Variants in OR9Q1 observed in about 807,000 individuals in gnomAD.
OR9Q1 encodes the protein olfactory receptor 9Q1.
For synonymous variants in OR9Q1, 153 were observed against 148.6 expected (o/e 1.03, Z -0.22); for missense variants, 374 against 378.8 (o/e 0.99, Z 0.11).
chr11:58,160,329 G>T (rs1430275400), intron 2 of OR9Q1, among the ~76,000 whole-genome samples: 1 of 152,208 alleles, frequency 6.6e-6, no homozygotes, highest in African/African-American at 2.4e-5. Flanking sequence ...ACTAAGATTT[G>T]AGATAATTTA....
chr11:58,178,988 T>G (rs927964253), intron 2 of OR9Q1, among the ~76,000 whole-genome samples: 4 of 110,238 alleles, frequency 3.6e-5, no homozygotes, highest in South Asian at 3.1e-4. Flanking sequence ...TTATATATTA[T>G]AGAGAGAGAG....
intron 1 of OR9Q1, among the ~76,000 whole-genome samples, chr11:58,035,019 G>T (rs991826516): frequency 6.6e-5 from 10 of 151,652 alleles, no homozygotes; most frequent in African/African-American, 2.4e-4. Flanking sequence ...GTAGAGATGG[G>T]TTTCGCCAGG....
chr11:58,067,177 G>A (rs1017162740), intron 2 of OR9Q1, among the ~76,000 whole-genome samples: 3 of 151,872 alleles, frequency 2.0e-5, no homozygotes, highest in Non-Finnish European at 2.9e-5. Flanking sequence ...GACTACAGGC[G>A]CCTGCCACCA....
At chr11:58,128,468 A>C (rs1854110326) in intron 2 of OR9Q1, among the ~76,000 whole-genome samples, 1 of 152,168 alleles carries the variant, frequency 6.6e-6, no homozygotes, top group Non-Finnish European at 1.5e-5. Context: ...TGGAGAAAGA[A>C]ATATTTATGG....
intron 2 of OR9Q1, among the ~76,000 whole-genome samples, chr11:58,100,373 C>A (rs1342985552): frequency 6.6e-6 from 1 of 152,130 alleles, no homozygotes; most frequent in Non-Finnish European, 1.5e-5. Flanking sequence ...AATGTAAAAA[C>A]TTGCAATGGT....
intron 2 of OR9Q1, among the ~76,000 whole-genome samples, chr11:58,148,120 T>C (rs1157779259): frequency 6.6e-6 from 1 of 152,172 alleles, no homozygotes; most frequent in African/African-American, 2.4e-5. Flanking sequence ...CAAAGTACTA[T>C]GTTCTTGATC....
At chr11:58,143,526 TG>T (rs1165666921) in intron 2 of OR9Q1, among the ~76,000 whole-genome samples, 24 of 152,224 alleles carry the variant, frequency 1.6e-4, no homozygotes, top group African/African-American at 5.8e-4. Flanking sequence ...TTGTGAAATC[TG>T]GGTCACTTTA....
chr11:58,109,147 T>C (rs529849650), intron 2 of OR9Q1: 168 of 503,894 alleles, frequency 3.3e-4, no homozygotes, highest in Non-Finnish European at 5.4e-4. Context: ...GTTGATCTGA[T>C]TGTCACAACA....
intron 2 of OR9Q1, among the ~76,000 whole-genome samples, chr11:58,171,902 GA>G (rs1181244333): frequency 6.6e-6 from 1 of 152,182 alleles, no homozygotes; most frequent in African/African-American, 2.4e-5. Flanking sequence ...AGCAATGTAA[GA>G]CAGAGGCTGA....
intron 2 of OR9Q1, among the ~76,000 whole-genome samples, chr11:58,115,893 C>G (rs1853949573): frequency 6.6e-6 from 1 of 152,140 alleles, no homozygotes; most frequent in African/African-American, 2.4e-5. Flanking sequence ...GAAGTTCTCC[C>G]CTTTCACAAC....
At position 58,180,032 on chromosome 11, in the gene OR9Q1, A is replaced by G; in HGVS notation, c.588A>G (p.Glu196=). The G allele has an allele frequency of 6.2e-7, 1 of 1,614,164 alleles. No individual in the cohort carries two copies. The highest frequency in any genetic ancestry group is 1.1e-5 in the South Asian group (1 of 91,080). The part of the protein sequence containing the change: ...KLTCGESYTQ[E]VLIIMFAIFV... ...CCTGTGGGGAGAGCTACACTCAAGA[A>G]GTGCTGATTATTATGTTTGCCATTT... The change falls in exon 3 of 3, where the codon GAA becomes GAG. Residue 196 remains glutamate, a synonymous_variant. Transcript: ENST00000335397.
chr11:58,092,892 T>G (rs1411257820), intron 2 of OR9Q1, among the ~76,000 whole-genome samples: 1 of 152,198 alleles, frequency 6.6e-6, no homozygotes, highest in Non-Finnish European at 1.5e-5. Flanking sequence ...AGTCATATTT[T>G]AAAAGCTTAA....
chr11:58,139,241 C>T (rs1378362368), intron 2 of OR9Q1, among the ~76,000 whole-genome samples: 5 of 151,230 alleles, frequency 3.3e-5, no homozygotes, highest in African/African-American at 1.2e-4. Context: ...AGGGTTTTTT[C>T]CCTTTCACTT....
At chr11:58,149,022 T>A (rs1854325847) in intron 2 of OR9Q1, among the ~76,000 whole-genome samples, 1 of 152,204 alleles carries the variant, frequency 6.6e-6, no homozygotes. Flanking sequence ...GTCTTTTTCT[T>A]TTTCTCAACA....
At chr11:58,118,459 G>T in intron 2 of OR9Q1, 1 of 1,313,800 alleles carries the variant, frequency 7.6e-7, no homozygotes, top group Non-Finnish European at 1.1e-6. Flanking sequence ...TATTCATATG[G>T]GAAGAAAGTG....
chr11:58,032,058 A>G (rs1220052378), intron 1 of OR9Q1: 3 of 562,396 alleles, frequency 5.3e-6, no homozygotes, highest in Non-Finnish European at 9.4e-6. Context: ...CAAGGAAGTG[A>G]AAGATATTTA....
chr11:58,138,902 T>C (rs1160091876), intron 2 of OR9Q1, among the ~76,000 whole-genome samples: 2 of 152,168 alleles, frequency 1.3e-5, no homozygotes. Flanking sequence ...CCTTTGACCA[T>C]CATGTCCCCA....
intron 2 of OR9Q1, among the ~76,000 whole-genome samples, chr11:58,062,324 A>G (rs762286610): frequency 8.5e-5 from 13 of 152,180 alleles, no homozygotes; most frequent in Admixed American, 3.9e-4. Flanking sequence ...CTTATAAAGG[A>G]CGGAAACACC....
intron 2 of OR9Q1, among the ~76,000 whole-genome samples, chr11:58,162,326 A>G (rs2119926419): frequency 6.6e-6 from 1 of 152,242 alleles, no homozygotes; most frequent in South Asian, 2.1e-4. Flanking sequence ...ATGGAAGGAG[A>G]CTCGCTCTAA....
Sources: gnomAD v4.1 joint callset for allele counts (sites outside exome capture counted in the v4.1 genomes callset) on GRCh38, gnomAD v4.1.1 for gene constraint, MANE v1.5 for transcripts, NCBI Gene and HGNC (gene_info 2026-07-23, HGNC 2026-07-21) for gene names.